LRFN5: variants seen among roughly 807,000 people sequenced by gnomAD.
LRFN5 encodes leucine rich repeat and fibronectin type III domain containing 5.
In LRFN5, 24 loss-of-function variants were observed where a neutral mutation model predicts 45.6. That is an observed-to-expected ratio of 0.53 (90% confidence interval 0.38 to 0.74). The LOEUF (loss-of-function observed/expected upper bound fraction) is 0.74, where lower values mean the gene tolerates loss of function less well. Among genes scored for constraint, LRFN5 ranks in the 30% least tolerant of loss-of-function variants. LRFN5 has a pLI of 0.00. For synonymous variants in LRFN5, 340 were observed against 313.8 expected (o/e 1.08, Z -0.88); for missense variants, 776 against 861.5 (o/e 0.90, Z 1.24).
intron 2 of LRFN5, among the ~76,000 whole-genome samples, chr14:41,846,784 A>G (rs1472277353): frequency 2.0e-5 from 3 of 152,096 alleles, no homozygotes; most frequent in Non-Finnish European, 4.4e-5. Flanking sequence ...GATTGTTGGT[A>G]AGAATCAACT....
intron 1 of LRFN5, among the ~76,000 whole-genome samples, chr14:41,674,962 A>T (rs1426309663): frequency 6.8e-6 from 1 of 147,598 alleles, no homozygotes; most frequent in African/African-American, 2.6e-5. Flanking sequence ...CACATCCCAG[A>T]CGGGGCGGCA....
At chr14:41,685,155 G>T (rs1179635324) in intron 1 of LRFN5, among the ~76,000 whole-genome samples, 1 of 152,158 alleles carries the variant, frequency 6.6e-6, no homozygotes, top group African/African-American at 2.4e-5. Flanking sequence ...AACAAATGTA[G>T]TGAGGATGTA....
chr14:41,777,639 T>C (rs904042127), intron 2 of LRFN5, among the ~76,000 whole-genome samples: 3 of 151,890 alleles, frequency 2.0e-5, no homozygotes, highest in African/African-American at 7.2e-5. Context: ...TAATTGAGCA[T>C]GCTAGGAGCT....
chr14:41,862,322 G>A (rs763232833), intron 2 of LRFN5, among the ~76,000 whole-genome samples: 3 of 151,978 alleles, frequency 2.0e-5, no homozygotes, highest in African/African-American at 7.3e-5. Context: ...TTTACATCTT[G>A]TAGAATCACC....
chr14:41,812,543 G>T (rs1482165250), intron 2 of LRFN5, among the ~76,000 whole-genome samples: 1 of 151,554 alleles, frequency 6.6e-6, no homozygotes, highest in Admixed American at 6.6e-5. Flanking sequence ...ATATACAAAG[G>T]CACACAGAAA....
At chr14:41,678,087 G>A (rs1483141273) in intron 1 of LRFN5, among the ~76,000 whole-genome samples, 1 of 151,940 alleles carries the variant, frequency 6.6e-6, no homozygotes, top group Non-Finnish European at 1.5e-5. Flanking sequence ...TAGGTGAAAA[G>A]AGAAAGGATG....
At chr14:41,879,915 CCTTT>C (rs1890315549) in intron 2 of LRFN5, among the ~76,000 whole-genome samples, 1 of 84,656 alleles carries the variant, frequency 1.2e-5, no homozygotes, top group Non-Finnish European at 2.4e-5. Context: ...ATCAATTTTT[CCTTT>C]TTTTTTTTTT....
At chr14:41,679,741 A>T (rs1881800475) in intron 1 of LRFN5, among the ~76,000 whole-genome samples, 1 of 152,006 alleles carries the variant, frequency 6.6e-6, no homozygotes, top group Admixed American at 6.5e-5. Context: ...AGGACGAGTA[A>T]AGGGGAGTTT....
intron 2 of LRFN5, among the ~76,000 whole-genome samples, chr14:41,793,884 T>TTACA (rs1352862732): frequency 6.6e-6 from 1 of 152,048 alleles, no homozygotes; most frequent in African/African-American, 2.4e-5. Context: ...TAAATGTTCC[T>TTACA]TACATACAAT....
chr14:41,803,686 T>G (rs1887419028), intron 2 of LRFN5, among the ~76,000 whole-genome samples: 1 of 152,124 alleles, frequency 6.6e-6, no homozygotes, highest in South Asian at 2.1e-4. Context: ...TAGAACATTT[T>G]TGTCATTATA....
intron 2 of LRFN5, among the ~76,000 whole-genome samples, chr14:41,836,697 G>A (rs1044557458): frequency 5.3e-5 from 8 of 152,140 alleles, no homozygotes; most frequent in Admixed American, 5.2e-4. Context: ...GGAATTTGTA[G>A]TGCTTATTCT....
intron 1 of LRFN5, among the ~76,000 whole-genome samples, chr14:41,626,438 G>A (rs1289633983): frequency 6.6e-6 from 1 of 151,902 alleles, no homozygotes; most frequent in Non-Finnish European, 1.5e-5. Flanking sequence ...ACTAACAGTG[G>A]GAAATACCAA....
intron 1 of LRFN5, among the ~76,000 whole-genome samples, chr14:41,717,334 T>G (rs1046648250): frequency 3.3e-5 from 5 of 152,212 alleles, no homozygotes; most frequent in African/African-American, 1.2e-4. Flanking sequence ...ATATTGAAGA[T>G]AGACTTACTG....
chr14:41,642,552 A>G (rs988180235), intron 1 of LRFN5, among the ~76,000 whole-genome samples: 2 of 152,136 alleles, frequency 1.3e-5, no homozygotes, highest in African/African-American at 4.8e-5. Flanking sequence ...ATTGTTATTT[A>G]GTTTCTCCCA....
At chr14:41,868,095 T>C (rs1889899574) in intron 2 of LRFN5, among the ~76,000 whole-genome samples, 1 of 152,068 alleles carries the variant, frequency 6.6e-6, no homozygotes, top group Non-Finnish European at 1.5e-5. Flanking sequence ...TTAATCACAT[T>C]CCTCTGTGAC....
chr14:41,904,116 C>T (rs1555331266), intron 5 of LRFN5, 42 bp from the exon 6 acceptor site: 1 of 1,489,480 alleles, frequency 6.7e-7, no homozygotes, highest in South Asian at 1.2e-5. Context: ...TTTCTTTCTT[C>T]CTTTCTTTCT....
chr14:41,799,052 GA>G (rs1372363307), intron 2 of LRFN5, among the ~76,000 whole-genome samples: 1 of 151,736 alleles, frequency 6.6e-6, no homozygotes, highest in Non-Finnish European at 1.5e-5. Flanking sequence ...TTCCTTAGAT[GA>G]CCTGGAAAAC....
chr14:41,893,627 A>G, intron 4 of LRFN5: 1 of 985,376 alleles, frequency 1.0e-6, no homozygotes, highest in Non-Finnish European at 1.2e-6. Context: ...TGGTAGAAGC[A>G]TATACAACAA....
chr14:41,779,564 G>A (rs887471206), intron 2 of LRFN5, among the ~76,000 whole-genome samples: 2 of 151,794 alleles, frequency 1.3e-5, no homozygotes, highest in African/African-American at 2.4e-5. Context: ...TTCCCCTTAC[G>A]TGTTTTGTAG....
Sources: gnomAD v4.1 joint callset for allele counts (sites outside exome capture counted in the v4.1 genomes callset) on GRCh38, gnomAD v4.1.1 for gene constraint, MANE v1.5 for transcripts, NCBI Gene and HGNC (gene_info 2026-07-23, HGNC 2026-07-21) for gene names.